NCOA2: variants seen among roughly 807,000 people sequenced by gnomAD.
NCOA2 encodes class E basic helix-loop-helix protein 75.
NCOA2 carries 21 observed loss-of-function variants against 145.1 expected under a neutral mutation model. The observed-to-expected ratio is 0.14, with a 90% CI of 0.10 to 0.21. The LOEUF (loss-of-function observed/expected upper bound fraction) is 0.21. NCOA2 is among the 10% of genes least tolerant of loss of function. The pLI is 1.00. For missense variants in NCOA2, 1,472 were observed against 1,837.6 expected, an observed-to-expected ratio of 0.80 and a Z score of 3.64; for synonymous variants, 619 against 637.5, an observed-to-expected ratio of 0.97 and a Z score of 0.44.
At chr8:70,329,516 CAGGTGTG>C (rs1806890469) in intron 1 of NCOA2, among the ~76,000 whole-genome samples, 1 of 152,086 alleles carries the variant, frequency 6.6e-6, no homozygotes, top group South Asian at 2.1e-4. Flanking sequence ...GCTAGCATTA[CAGGTGTG>C]AGTCCACATG....
rs951766149 is a variant in NCOA2 at position 70,112,005 on chromosome 8, G to T, written c.*1627C>A. On this transcript the variant is annotated 3_prime_UTR_variant, in exon 23 of 23. Coordinates refer to ENST00000452400, the MANE Select transcript of NCOA2 (RefSeq NM_006540.4). The stretch of plus-strand genomic sequence containing the variant: ...CTGAAACTGACACCTATTAATAAAA[G>T]ATTTTTCCCCTACCAGAGTGGGCAA... 4.6e-6 allele frequency: 1 copy of T among 217,462 alleles called. No individual in the cohort carries two copies. Among genetic ancestry groups the T allele is most frequent in the African/African-American group, 2.2e-5 (1 of 44,490 alleles). The allele number at this position is 217,462 out of a possible 1,614,324, so 13.5% of individuals were successfully genotyped here. A position where few individuals can be genotyped will look rare whatever the true frequency, so the allele number is the denominator to read the frequency against.
intron 2 of NCOA2, among the ~76,000 whole-genome samples, chr8:70,257,718 T>C (rs1586276405): frequency 6.6e-6 from 1 of 151,462 alleles, no homozygotes; most frequent in East Asian, 2.0e-4. Context: ...TTTCCTGCCA[T>C]TCTCTGAAGT....
intron 2 of NCOA2, among the ~76,000 whole-genome samples, chr8:70,219,038 T>A (rs550852749): frequency 6.6e-6 from 1 of 152,164 alleles, no homozygotes; most frequent in Non-Finnish European, 1.5e-5. Context: ...TTTAACATTA[T>A]ATATATATTA....
intron 1 of NCOA2, among the ~76,000 whole-genome samples, chr8:70,364,273 G>C (rs1810474670): frequency 6.6e-6 from 1 of 151,964 alleles, no homozygotes; most frequent in African/African-American, 2.4e-5. Flanking sequence ...TGTCATATCT[G>C]AAAGCAAAGC....
chr8:70,300,222 T>A (rs1426047341), intron 1 of NCOA2, among the ~76,000 whole-genome samples: 1 of 152,124 alleles, frequency 6.6e-6, no homozygotes, highest in African/African-American at 2.4e-5. Context: ...AGAAGATGAA[T>A]AACAGACACA....
At chr8:70,421,396 G>T in the NCOA2 span, among the ~76,000 whole-genome samples, 1 of 151,884 alleles carries the variant, frequency 6.6e-6, no homozygotes. Flanking sequence ...TACAAGAAAA[G>T]AACACAAAAC....
intron 4 of NCOA2, among the ~76,000 whole-genome samples, chr8:70,197,697 T>C (rs765148310): frequency 5.9e-5 from 9 of 152,240 alleles, no homozygotes; most frequent in Non-Finnish European, 1.2e-4. Flanking sequence ...GACCATATCA[T>C]TGGAATTTAT....
In NCOA2 at chr8:70,157,224, C is replaced by A. The variant is rs773764731; in HGVS notation, c.1141G>T (p.Val381Leu). 25 of 1,552,624 alleles carry A rather than the reference C, an allele frequency of 1.6e-5. No individual in the cohort carries two copies. Among genetic ancestry groups the A allele is most frequent in the Non-Finnish European group, 2.2e-5 (25 of 1,147,806 alleles). The change falls in exon 11 of 23, where the codon GTG (valine) becomes TTG (leucine). Residue 381 changes from valine to leucine, a missense_variant. Physicochemically the swap from Val to Leu is conservative, Grantham distance 32. Around this residue, in one of 4 missense-constraint regions of NCOA2, gnomAD observed 953 missense variants for 1,062.1 expected, o/e 0.90. Transcript: ENST00000452400. ...HMLHREQNVC[V>L]MNPDLTGQTM... is the part of the protein sequence containing the mutation. ...TGTCCAGTCAGATCCGGATTCATCA[C>A]ACACACATTCTGCTCTCTGTATAAC...
At chr8:70,320,411 T>A (rs1329975773) in intron 1 of NCOA2, among the ~76,000 whole-genome samples, 2 of 152,118 alleles carry the variant, frequency 1.3e-5, no homozygotes, top group East Asian at 1.9e-4. Context: ...TATATGATAA[T>A]TAAAACTAGA....
At chr8:70,399,983 A>C (rs1219363244) in intron 1 of NCOA2, among the ~76,000 whole-genome samples, 1 of 152,246 alleles carries the variant, frequency 6.6e-6, no homozygotes, top group African/African-American at 2.4e-5. Flanking sequence ...CAGATCCTTG[A>C]TGTTACTGAA....
chr8:70,376,856 C>A (rs1016100339), intron 1 of NCOA2, among the ~76,000 whole-genome samples: 2 of 152,172 alleles, frequency 1.3e-5, no homozygotes, highest in African/African-American at 4.8e-5. Flanking sequence ...TCAGGGCCGG[C>A]GCTAGGTAAG....
At chr8:70,248,991 G>A (rs1196075178) in intron 2 of NCOA2, among the ~76,000 whole-genome samples, 8 of 151,980 alleles carry the variant, frequency 5.3e-5, no homozygotes, top group Non-Finnish European at 1.2e-4. Context: ...GAATTCTGAC[G>A]TGGTTCTGCA....
At chr8:70,148,223 A>G (rs775584651) in intron 12 of NCOA2, 50 bp downstream of exon 12, 2 of 1,557,364 alleles carry the variant, frequency 1.3e-6, no homozygotes, top group East Asian at 4.5e-5. Flanking sequence ...TGTTTCTGAT[A>G]GTGATTATAT....
intron 2 of NCOA2, among the ~76,000 whole-genome samples, chr8:70,245,871 T>C (rs942352144): frequency 2.6e-5 from 4 of 152,254 alleles, no homozygotes; most frequent in East Asian, 1.9e-4. Context: ...TCTGGCATAA[T>C]GAACACTTTG....
the NCOA2 span, among the ~76,000 whole-genome samples, chr8:70,428,724 A>G: frequency 4.6e-5 from 7 of 152,342 alleles, no homozygotes; most frequent in East Asian, 9.6e-4. Flanking sequence ...TCTACTGTCA[A>G]TGATGACAGG....
the NCOA2 span, among the ~76,000 whole-genome samples, chr8:70,447,399 A>T: frequency 6.6e-6 from 1 of 152,210 alleles, no homozygotes; most frequent in Non-Finnish European, 1.5e-5. Context: ...TTTTCCAAAA[A>T]GATCATGTAG....
rs113075063 is a variant in NCOA2 at position 70,127,272 on chromosome 8, AGAGTT to A, written c.3682-230_3682-226del. ...TTCTGAAGCTTTGCTATGACTCAGC[AGAGTT>A]AAGTTTGATGCTAATATCAATTAAA... On this transcript the variant is annotated intron_variant, in intron 18 of 22. Coordinates refer to ENST00000452400, the MANE Select transcript of NCOA2 (RefSeq NM_006540.4). Among the ~76,000 whole-genome samples the A allele has an allele frequency of 3.1e-3, 475 of 152,342 alleles. 5 individuals are homozygous for A. Among genetic ancestry groups the A allele is most frequent in the African/African-American group, 0.011 (455 of 41,572 alleles).
At chr8:70,119,335 C>G (rs988904224) in intron 22 of NCOA2, among the ~76,000 whole-genome samples, 1 of 152,172 alleles carries the variant, frequency 6.6e-6, no homozygotes, top group Non-Finnish European at 1.5e-5. Context: ...CCTGCCTTAT[C>G]TCAGTTAAGA....
intron 1 of NCOA2, among the ~76,000 whole-genome samples, chr8:70,393,765 A>G (rs935009992): frequency 6.6e-6 from 1 of 152,200 alleles, no homozygotes; most frequent in Non-Finnish European, 1.5e-5. Context: ...GTGTTTTCTT[A>G]AAGTGAAAAT....
Sources: allele counts gnomAD v4.1 joint callset (sites outside exome capture counted in the v4.1 genomes callset), GRCh38; gene constraint gnomAD v4.1.1; regional missense constraint gnomAD v4.1.1; transcripts MANE v1.5; gene names NCBI Gene and HGNC (gene_info 2026-07-23, HGNC 2026-07-21).